Variants in KLF11 observed in about 807,000 individuals in gnomAD.
KLF11 encodes the protein KLF transcription factor 11.
A neutral mutation model predicts 29.9 loss-of-function variants in KLF11; 26 were observed. The ratio of observed to expected loss-of-function variants is 0.87; its 90% CI spans 0.64 to 1.21. The LOEUF is 1.21. Ranked by LOEUF, KLF11 falls within the 50% of genes most tolerant of loss-of-function variation. KLF11 has a pLI of 0.00. For missense variants in KLF11, 778 were observed against 665.7 expected, an observed-to-expected ratio of 1.17 and a Z score of -1.86; for synonymous variants, 318 against 257.4, an observed-to-expected ratio of 1.24 and a Z score of -2.25.
chr2:10,045,402 A>G (rs1311157035), intron 1 of KLF11, among the ~76,000 whole-genome samples: 1 of 150,634 alleles, frequency 6.6e-6, no homozygotes, highest in Non-Finnish European at 1.5e-5. Context: ...TCTACTAAAA[A>G]TACAAAAATT....
chr2:10,054,771 T>C lies in KLF11; in HGVS notation c.*2264T>C, dbSNP rs1661505352. 1 of 152,620 alleles carries C rather than the reference T, an allele frequency of 6.6e-6. No individual in the cohort carries two copies. The highest frequency in any genetic ancestry group is 1.5e-5 in the Non-Finnish European group (1 of 68,040). The allele number at this position is 152,620 out of a possible 1,614,324, so 9.5% of individuals were successfully genotyped here. A position where few individuals can be genotyped will look rare whatever the true frequency, so the allele number is the denominator to read the frequency against. On this transcript the variant is annotated 3_prime_UTR_variant, in exon 4 of 4. Coordinates refer to ENST00000305883, the MANE Select transcript of KLF11 (RefSeq NM_003597.5). ...ATGTTTTATGTAACAGACTTTGACATTATTTAAACGAGCATGTGTAATGTA... is the reference window on the plus strand; with the variant it reads ...ATGTTTTATGTAACAGACTTTGACACTATTTAAACGAGCATGTGTAATGTA...
chr2:10,047,917 G>A lies in KLF11; in HGVS notation c.580G>A (p.Asp194Asn), dbSNP rs1369559407. 1.9e-6 allele frequency: 3 copies of A among 1,613,768 alleles called. No homozygotes were observed. The highest frequency in any genetic ancestry group is 3.3e-4 in the Middle Eastern group (2 of 6,062). The change falls in exon 3 of 4, where the codon GAT becomes AAT. Residue 194 changes from aspartate (D) to asparagine (N), a missense_variant. Asp to Asn is a conservative substitution (Grantham distance 23). Coordinates refer to ENST00000305883, the MANE Select transcript of KLF11 (RefSeq NM_003597.5). ...AACFPTIQTP[D>N]CRLSDSREGE... ...CTGCTTTCCCACCATCCAGACTCCA[G>A]ATTGCCGGCTTTCTGACAGCAGAGA...
At chr2:10,043,852 A>T in intron 1 of KLF11, 94 bp downstream of exon 1, 1 of 1,221,752 alleles carries the variant, frequency 8.2e-7, no homozygotes, top group Non-Finnish European at 1.0e-6. Context: ...TAAATGCGGG[A>T]GGTGGGGCGT....
At position 10,052,894 on chromosome 2, in the gene KLF11, T is replaced by A. The variant is rs1197241701; in HGVS notation, c.*387T>A. On this transcript the variant is annotated 3_prime_UTR_variant, in exon 4 of 4. Coordinates refer to ENST00000305883, the MANE Select transcript of KLF11 (RefSeq NM_003597.5). ...TTTATACTGGTTTTTAGAAAAATAT[T>A]TATATTGTTGGTGCTCAAATCACCA... is the stretch of plus-strand genomic sequence containing the variant. 4 of 320,142 alleles carry A rather than the reference T, an allele frequency of 1.2e-5. No homozygotes were observed. Among genetic ancestry groups the A allele is most frequent in the African/African-American group, 6.4e-5 (3 of 46,684 alleles). 19.8% of individuals were successfully genotyped at this position (320,142 alleles called of 1,614,324 possible).
intron 3 of KLF11, among the ~76,000 whole-genome samples, chr2:10,049,462 A>T (rs867484183): frequency 6.6e-6 from 1 of 152,188 alleles, no homozygotes; most frequent in Non-Finnish European, 1.5e-5. Context: ...TCTGGTGTTC[A>T]GACATTATAA....
In KLF11 at chr2:10,043,730, A is replaced by G. The variant is rs1391231205; in HGVS notation, c.14A>G (p.Asp5Gly). The change falls in exon 1 of 4, where the codon GAC (aspartate) becomes GGC (glycine). Residue 5 changes from aspartate to glycine, a missense_variant. Coordinates refer to ENST00000305883, the MANE Select transcript of KLF11 (RefSeq NM_003597.5). MHTP[D>G]FAGPDDARAV... ...CCGGCCTGCACGATGCACACGCCGG[A>G]CTTCGCAGGCCCAGACGACGCGCGC... is the stretch of plus-strand genomic sequence containing the variant. 1.2e-5 allele frequency: 17 copies of G among 1,377,096 alleles called. No individual in the cohort carries two copies. Among genetic ancestry groups the G allele is most frequent in the African/African-American group, 1.2e-4 (8 of 64,840 alleles). 85.3% of individuals were successfully genotyped at this position (1,377,096 alleles called of 1,614,324 possible).
intron 1 of KLF11, 140 bp from the exon 2 acceptor site, chr2:10,046,010 C>T (rs1661186564): frequency 1.0e-6 from 1 of 962,610 alleles, no homozygotes; most frequent in Admixed American, 1.7e-5. Flanking sequence ...TTTACTACAC[C>T]TCGGTGTTTG....
chr2:10,052,545 A>G lies in KLF11; in HGVS notation c.*38A>G. 1 of 1,606,354 alleles carries G rather than the reference A, an allele frequency of 6.2e-7. No individual in the cohort carries two copies. Among genetic ancestry groups the G allele is most frequent in the Non-Finnish European group, 8.5e-7 (1 of 1,176,730 alleles). On this transcript the variant is annotated 3_prime_UTR_variant, in exon 4 of 4. Coordinates refer to ENST00000305883, the MANE Select transcript of KLF11 (RefSeq NM_003597.5). ...GACATCACTCATGGGATTTTTAAAA[A>G]GCCTCTTTCCAGGAATGGAACTGAT...
chr2:10,051,653 G>A (rs1661409017), intron 3 of KLF11, among the ~76,000 whole-genome samples: 1 of 152,034 alleles, frequency 6.6e-6, no homozygotes. Flanking sequence ...AAGTAGCTGG[G>A]ACTACAGGTG....
In KLF11 at chr2:10,046,253, A is replaced by C; in HGVS notation, c.146A>C (p.Glu49Ala). 6.2e-7 allele frequency: 1 copy of C among 1,614,190 alleles called. No homozygotes were observed. The highest frequency in any genetic ancestry group is 8.5e-7 in the Non-Finnish European group (1 of 1,180,032). Reference sequence around the variant, plus strand: ...GAGCAGACAGACATGGAAGCTGTCGAGGCTCTTGTTTGTATGAGCTCCTGG... The same window carrying C: ...GAGCAGACAGACATGGAAGCTGTCGCGGCTCTTGTTTGTATGAGCTCCTGG... The part of the protein sequence containing the change: ...ILEQTDMEAV[E>A]ALVCMSSWGQ... The change falls in exon 2 of 4, where the codon GAG becomes GCG. Residue 49 changes from glutamate (E) to alanine (A), a missense_variant. Coordinates refer to ENST00000305883, the MANE Select transcript of KLF11 (RefSeq NM_003597.5).
intron 2 of KLF11, 32 bp from the exon 3 acceptor site, chr2:10,047,618 G>A (rs1209424980): frequency 1.3e-6 from 2 of 1,570,232 alleles, no homozygotes; most frequent in East Asian, 2.2e-5. Flanking sequence ...AAAATTTAAA[G>A]CAACCTTTTA....
chr2:10,048,292 G>C lies in KLF11; in HGVS notation c.955G>C (p.Ala319Pro). The C allele has an allele frequency of 6.2e-7, 1 of 1,601,470 alleles. No homozygotes were observed. Among genetic ancestry groups the C allele is most frequent in the South Asian group, 1.1e-5 (1 of 89,210 alleles). ...TGTGGGGACTGTGAGACCCATCCTA[G>C]CTCAGGCTGCTCCAGCGCCTCAACC... ...LSVGTVRPIL[A>P]QAAPAPQPVF... Residue 319 changes from alanine (A) to proline (P), a missense_variant, in exon 3 of 4, where the codon GCT becomes CCT. Transcript: ENST00000305883.
Position 10,046,207 on chromosome 2 carries a change from A to G in KLF11, c.100A>G (p.Arg34Gly). Reference sequence around the variant, plus strand: ...GGAGAGGAAGCGGCATGACAGCGAAAGGTCTACTTGCAGCATCTTGGAGCA... The same window carrying G: ...GGAGAGGAAGCGGCATGACAGCGAAGGGTCTACTTGCAGCATCTTGGAGCA... ...ILERKRHDSE[R>G]STCSILEQTD... Residue 34 changes from arginine (R) to glycine (G), a missense_variant, in exon 2 of 4, where the codon AGG becomes GGG. Transcript: ENST00000305883. 1 of 1,614,198 alleles carries G rather than the reference A, an allele frequency of 6.2e-7. No homozygotes were observed. Among genetic ancestry groups the G allele is most frequent in the Non-Finnish European group, 8.5e-7 (1 of 1,180,036 alleles).
Position 10,053,119 on chromosome 2 carries a change from C to G in KLF11, c.*612C>G. The G allele has an allele frequency of 2.5e-6, 1 of 397,998 alleles. No homozygotes were observed. Among genetic ancestry groups the G allele is most frequent in the Non-Finnish European group, 4.4e-6 (1 of 226,274 alleles). 24.7% of individuals were successfully genotyped at this position (397,998 alleles called of 1,614,324 possible). Reference sequence around the variant, plus strand: ...GAAAAATAAATTTTGCCGTCAGCTTCTTCATAACGTTTTCAAGGAAATTCT... The same window carrying G: ...GAAAAATAAATTTTGCCGTCAGCTTGTTCATAACGTTTTCAAGGAAATTCT... On this transcript the variant is annotated 3_prime_UTR_variant, in exon 4 of 4. Transcript: ENST00000305883.
rs950860133 is a variant in KLF11, at chr2:10,052,129, A to C, written c.1259-98A>C. 7.1e-6 allele frequency: 9 copies of C among 1,260,580 alleles called. No individual in the cohort carries two copies. In the African/African-American group the frequency reaches 1.3e-4, roughly 19 times the overall value. 78.1% of individuals were successfully genotyped at this position (1,260,580 alleles called of 1,614,324 possible). A position where few individuals can be genotyped will look rare whatever the true frequency, so the allele number is the denominator to read the frequency against. On this transcript the variant is annotated intron_variant, in intron 3 of 3. Transcript: ENST00000305883. ...AGTAATAAGATACCACTTTCTTCTG[A>C]GTTTGATGAACACGATTTTAAAATG...
At chr2:10,049,952 G>T (rs1431746746) in intron 3 of KLF11, among the ~76,000 whole-genome samples, 1 of 152,140 alleles carries the variant, frequency 6.6e-6, no homozygotes, top group African/African-American at 2.4e-5. Context: ...ATTTCACCGG[G>T]ACTCTCCAGG....
intron 2 of KLF11, among the ~76,000 whole-genome samples, chr2:10,047,225 C>G (rs997452323): frequency 2.0e-5 from 3 of 152,122 alleles, no homozygotes; most frequent in African/African-American, 7.2e-5. Flanking sequence ...TGTGAAAGTA[C>G]TTGGAAAAAT....
intron 1 of KLF11, chr2:10,044,163 T>G (rs1317721663): frequency 3.5e-6 from 2 of 572,822 alleles, no homozygotes; most frequent in Non-Finnish European, 3.9e-6. Flanking sequence ...GGCACGGTTT[T>G]GGGGGCGGGG....
intron 1 of KLF11, chr2:10,044,161 T>C (rs62127533): frequency 2.0e-5 from 3 of 148,808 alleles, no homozygotes; most frequent in Non-Finnish European, 1.6e-5. Flanking sequence ...GCGGCACGGT[T>C]TTGGGGGCGG....
Sources: allele counts gnomAD v4.1 joint callset (sites outside exome capture counted in the v4.1 genomes callset), GRCh38; gene constraint gnomAD v4.1.1; transcripts MANE v1.5; gene names NCBI Gene and HGNC (gene_info 2026-07-23, HGNC 2026-07-21).